The following SPRED1 variants were observed in gnomAD, a reference collection of about 807,000 sequenced individuals.
The protein encoded by SPRED1 is sprouty related EVH1 domain containing 1.
SPRED1 carries 18 observed loss-of-function variants against 52.3 expected under a neutral mutation model. The ratio of observed to expected loss-of-function variants is 0.34; its 90% CI spans 0.24 to 0.51. The LOEUF (loss-of-function observed/expected upper bound fraction) is 0.51. SPRED1 is among the 20% of genes least tolerant of loss of function. The probability of loss-of-function intolerance (pLI) is 0.97; values close to 1 mark genes in which losing one functional copy is unlikely to be tolerated. For missense variants in SPRED1, 485 were observed against 551.0 expected (o/e 0.88, Z 1.20); for synonymous variants, 155 against 179.7 (o/e 0.86, Z 1.10).
Position 38,252,872 on chromosome 15 carries a change from C to T in SPRED1, c.-314C>T, listed in dbSNP as rs1894007861. Reference sequence around the variant, plus strand: ...CCCCAGTGGCTGGAGGAGCAGCTCTCCAGTCAGCCTTTGCAGCCCCTCTCT... The same window carrying T: ...CCCCAGTGGCTGGAGGAGCAGCTCTTCAGTCAGCCTTTGCAGCCCCTCTCT... On this transcript the variant is annotated 5_prime_UTR_variant, in exon 1 of 7. Transcript: ENST00000299084. The T allele has an allele frequency of 2.1e-6, 1 of 470,130 alleles. No homozygotes were observed. Among genetic ancestry groups the T allele is most frequent in the Non-Finnish European group, 3.9e-6 (1 of 255,236 alleles). The allele number at this position is 470,130 out of a possible 1,614,324, so 29.1% of individuals were successfully genotyped here. A position where few individuals can be genotyped will look rare whatever the true frequency, so the allele number is the denominator to read the frequency against.
chr15:38,286,901 GCTC>G (rs1477416856), intron 1 of SPRED1, among the ~76,000 whole-genome samples: 1 of 151,920 alleles, frequency 6.6e-6, no homozygotes, highest in Admixed American at 6.6e-5. Context: ...TTGAGATTTT[GCTC>G]CTCTTTTCTC....
At chr15:38,329,686 G>A (rs116024334) in intron 4 of SPRED1, among the ~76,000 whole-genome samples, 2 of 151,958 alleles carry the variant, frequency 1.3e-5, no homozygotes, top group South Asian at 2.1e-4. Context: ...TGCATATTTC[G>A]AAAATTACAA....
At chr15:38,285,694 T>C (rs1400413384) in intron 1 of SPRED1, among the ~76,000 whole-genome samples, 1 of 152,174 alleles carries the variant, frequency 6.6e-6, no homozygotes, top group Non-Finnish European at 1.5e-5. Context: ...TATGTGGCTC[T>C]TGGAGGTTTC....
intron 1 of SPRED1, among the ~76,000 whole-genome samples, chr15:38,274,080 G>A (rs77432311): frequency 1.1e-4 from 16 of 152,306 alleles, no homozygotes; most frequent in Middle Eastern, 3.4e-3. Flanking sequence ...TCCTCATATT[G>A]CTGTGTTTAT....
intron 4 of SPRED1, among the ~76,000 whole-genome samples, chr15:38,337,463 A>G (rs1323512032): frequency 1.3e-5 from 2 of 152,192 alleles, no homozygotes; most frequent in African/African-American, 4.8e-5. Context: ...GTGTGTAGCT[A>G]TAAATTCACT....
At chr15:38,331,718 G>A (rs1203916061) in intron 4 of SPRED1, among the ~76,000 whole-genome samples, 1 of 152,050 alleles carries the variant, frequency 6.6e-6, no homozygotes, top group African/African-American at 2.4e-5. Flanking sequence ...AATTAGGTAA[G>A]CAGTAAGGCC....
intron 1 of SPRED1, among the ~76,000 whole-genome samples, chr15:38,259,075 A>G (rs945847252): frequency 2.6e-5 from 4 of 152,186 alleles, no homozygotes; most frequent in Non-Finnish European, 5.9e-5. Flanking sequence ...TACTTAAACA[A>G]AAGACTTAAG....
intron 2 of SPRED1, among the ~76,000 whole-genome samples, chr15:38,316,139 A>C (rs1373570313): frequency 1.3e-5 from 2 of 152,010 alleles, no homozygotes; most frequent in Non-Finnish European, 2.9e-5. Flanking sequence ...ACTCATATAA[A>C]AATCAATTTT....
At chr15:38,272,391 CCCAAGTAGTTGGGATTACAGGCA>C (rs1211219080) in intron 1 of SPRED1, among the ~76,000 whole-genome samples, 1 of 151,686 alleles carries the variant, frequency 6.6e-6, no homozygotes, top group Non-Finnish European at 1.5e-5. Context: ...GCCTCAGCCT[CCCAAGTAGTTGGGATTACAGGCA>C]CCAACCACCA....
At chr15:38,277,190 C>T (rs1249582359) in intron 1 of SPRED1, among the ~76,000 whole-genome samples, 4 of 151,992 alleles carry the variant, frequency 2.6e-5, no homozygotes. Flanking sequence ...AATTTTATGA[C>T]ACGGGGTTTG....
Position 38,351,242 on chromosome 15 carries a change from C to T in SPRED1, c.913C>T (p.Pro305Ser). The T allele has an allele frequency of 6.2e-7, 1 of 1,614,042 alleles. No homozygotes were observed. Among genetic ancestry groups the T allele is most frequent in the South Asian group, 1.1e-5 (1 of 91,068 alleles). ...TGGGGATGAGACTAAGTTAAGTTCA[C>T]CCAAAGACTCTGTGGTATTTAAGAC... ...SCGDETKLSS[P>S]KDSVVFKTQP... is the part of the protein sequence containing the mutation. The change falls in exon 7 of 7, where the codon CCC (proline) becomes TCC (serine). Residue 305 changes from proline to serine, a missense_variant. Physicochemically the swap from Pro to Ser is moderately conservative, Grantham distance 74. Transcript: ENST00000299084.
At chr15:38,324,894 A>T in intron 4 of SPRED1, 85 bp downstream of exon 4, 1 of 1,117,996 alleles carries the variant, frequency 8.9e-7, no homozygotes, top group Non-Finnish European at 1.3e-6. Context: ...ATCAATTACT[A>T]AGAATATTTC....
chr15:38,304,634 C>T (rs1478642054), intron 2 of SPRED1, among the ~76,000 whole-genome samples: 2 of 152,192 alleles, frequency 1.3e-5, no homozygotes, highest in Non-Finnish European at 2.9e-5. Flanking sequence ...AGATTTTCTA[C>T]ATCTGAGCCT....
At chr15:38,255,228 T>C (rs1434733632) in intron 1 of SPRED1, among the ~76,000 whole-genome samples, 1 of 152,220 alleles carries the variant, frequency 6.6e-6, no homozygotes, top group Non-Finnish European at 1.5e-5. Flanking sequence ...CCCCAAGATG[T>C]TGATATTTGA....
intron 4 of SPRED1, among the ~76,000 whole-genome samples, chr15:38,333,776 A>G (rs1377681616): frequency 6.6e-6 from 1 of 152,154 alleles, no homozygotes; most frequent in Non-Finnish European, 1.5e-5. Flanking sequence ...TTTGTCATAT[A>G]TACCATAAGG....
rs952788288 is a variant in SPRED1 at position 38,309,658 on chromosome 15, C to T, written c.207+10111C>T. Among the ~76,000 whole-genome samples the T allele has an allele frequency of 2.0e-5, 3 of 152,310 alleles. No homozygotes were observed. In the East Asian group the frequency reaches 5.8e-4, roughly 29 times the overall value. ...CATACTTTGGTGACAAGTCCAAGAACTCTTTCCCTAGCCATAGGTCATGAA... is the reference window on the plus strand; with the variant it reads ...CATACTTTGGTGACAAGTCCAAGAATTCTTTCCCTAGCCATAGGTCATGAA... On this transcript the variant is annotated intron_variant, in intron 2 of 6. Coordinates refer to ENST00000299084, the MANE Select transcript of SPRED1 (RefSeq NM_152594.3).
At chr15:38,321,747 C>T (rs180937771) in intron 2 of SPRED1, among the ~76,000 whole-genome samples, 37 of 152,198 alleles carry the variant, frequency 2.4e-4, no homozygotes, top group Non-Finnish European at 4.3e-4. Flanking sequence ...GCATGTACCT[C>T]CACACCCAGC....
intron 2 of SPRED1, among the ~76,000 whole-genome samples, chr15:38,301,583 C>A (rs988582052): frequency 6.6e-6 from 1 of 152,070 alleles, no homozygotes; most frequent in African/African-American, 2.4e-5. Flanking sequence ...TGATCAAAGG[C>A]AGAGGCGATA....
intron 1 of SPRED1, among the ~76,000 whole-genome samples, chr15:38,284,386 A>T (rs1894758768): frequency 6.6e-6 from 1 of 152,172 alleles, no homozygotes; most frequent in Non-Finnish European, 1.5e-5. Context: ...GTCTAAAGGT[A>T]TAATATTTTT....
Sources: allele counts gnomAD v4.1 joint callset (sites outside exome capture counted in the v4.1 genomes callset), GRCh38; gene constraint gnomAD v4.1.1; transcripts MANE v1.5; gene names NCBI Gene and HGNC (gene_info 2026-07-23, HGNC 2026-07-21).